PROZ: variants seen among roughly 807,000 people sequenced by gnomAD.
PROZ encodes the protein vitamin K-dependent protein Z.
Under a neutral mutation model 34.9 loss-of-function variants are expected in PROZ, and 46 were observed. That is an observed-to-expected ratio of 1.32 (90% CI 1.04 to 1.69). The LOEUF (loss-of-function observed/expected upper bound fraction) is 1.69, where lower values mean the gene tolerates loss of function less well. Ranked by LOEUF, PROZ falls within the 40% of genes most tolerant of loss-of-function variation. The pLI, the probability that PROZ is intolerant of heterozygous loss-of-function variation, is 0.00. For missense variants in PROZ, 530 were observed against 520.4 expected (o/e 1.02, Z -0.18); for synonymous variants, 195 against 208.5 (o/e 0.94, Z 0.56).
At position 113,172,151 on chromosome 13, in the gene PROZ, T is replaced by C. The variant is rs2037128938; in HGVS notation, c.*46T>C. On this transcript the variant is annotated 3_prime_UTR_variant, in exon 8 of 8. Transcript: ENST00000375547. Reference sequence around the variant, plus strand: ...ATGAACAACACAACCGGAAGCGGGATTCCAAGCTGGCACTGCCACTGTGGA... The same window carrying C: ...ATGAACAACACAACCGGAAGCGGGACTCCAAGCTGGCACTGCCACTGTGGA... 1 of 1,602,902 alleles carries C rather than the reference T, an allele frequency of 6.2e-7. No homozygotes were observed. Among genetic ancestry groups the C allele is most frequent in the African/African-American group, 1.3e-5 (1 of 74,862 alleles).
In PROZ at chr13:113,171,296, C is replaced by T. The variant is rs1196607403; in HGVS notation, c.692-298C>T. ...AGCCAATGTTTGACTGGCCTGGAGA[C>T]GTTCCACATCACTGCTTCCTGCTTT... On this transcript the variant is annotated intron_variant, in intron 7 of 7. Transcript: ENST00000375547. This position sits in a 1 kb window ranked among gnomAD's most constrained non-coding sequence, Gnocchi z 5.1. Among the ~76,000 whole-genome samples, 1 of 152,194 alleles carries T rather than the reference C, an allele frequency of 6.6e-6. No individual in the cohort carries two copies. The highest frequency in any genetic ancestry group is 1.5e-5 in the Non-Finnish European group (1 of 68,040).
At position 113,159,029 on chromosome 13, in the gene PROZ, G is replaced by T. The variant is rs3024714; in HGVS notation, c.70+299G>T. Among the ~76,000 whole-genome samples the T allele has an allele frequency of 3.8e-3, 548 of 143,874 alleles. 2 individuals are homozygous for T. Among genetic ancestry groups the T allele is most frequent in the African/African-American group, 0.014 (532 of 39,284 alleles). The allele number at this position is 143,874 out of a possible 152,430, so 94.4% of individuals were successfully genotyped here. A position where few individuals can be genotyped will look rare whatever the true frequency, so the allele number is the denominator to read the frequency against. Reference sequence around the variant, plus strand: ...AGGGGGAAAGGGGGAGGAGTGGGGGGAGGCCTGGGTTGGGCATTGGACGAG... The same window carrying T: ...AGGGGGAAAGGGGGAGGAGTGGGGGTAGGCCTGGGTTGGGCATTGGACGAG... On this transcript the variant is annotated intron_variant, in intron 1 of 7. Coordinates refer to ENST00000375547, the MANE Select transcript of PROZ (RefSeq NM_003891.3). This position sits in a 1 kb window ranked among gnomAD's most constrained non-coding sequence, Gnocchi z 4.6.
chr13:113,161,486 C>A (rs2036758557), intron 3 of PROZ, among the ~76,000 whole-genome samples: 1 of 152,070 alleles, frequency 6.6e-6, no homozygotes, highest in African/African-American at 2.4e-5. Context: ...TAAGGACCCA[C>A]CTGGGAATGA....
Position 113,159,989 on chromosome 13 carries a change from A to G in PROZ, c.71-25A>G. On this transcript the variant is annotated intron_variant, in intron 1 of 7. Coordinates refer to ENST00000375547, the MANE Select transcript of PROZ (RefSeq NM_003891.3). This position sits in a 1 kb window ranked among gnomAD's most constrained non-coding sequence, Gnocchi z 4.6. ...AGCAGGGCCCTCGGTGCTCCCAGTC[A>G]CCTGCCTTCTTGTCTCGTCTGTAGT... 6.2e-7 allele frequency: 1 copy of G among 1,613,220 alleles called. No homozygotes were observed. The highest frequency in any genetic ancestry group is 8.5e-7 in the Non-Finnish European group (1 of 1,179,918).
chr13:113,164,137 G>A (rs947967203), intron 4 of PROZ, among the ~76,000 whole-genome samples: 15 of 151,794 alleles, frequency 9.9e-5, no homozygotes, highest in Non-Finnish European at 1.5e-5. Context: ...GCGCCACCAC[G>A]CCTGGCTAAT....
Position 113,165,780 on chromosome 13 carries a change from C to T in PROZ, c.573+660C>T, listed in dbSNP as rs144930473. Among the ~76,000 whole-genome samples, 49 of 152,340 alleles carry T rather than the reference C, an allele frequency of 3.2e-4. No homozygotes were observed. In the East Asian group the frequency reaches 8.7e-3, roughly 27 times the overall value. On this transcript the variant is annotated intron_variant, in intron 6 of 7. Transcript: ENST00000375547. ...GCCTGACCTCAAGTGACCCACCTGC[C>T]TTGGCCTCCCAAAGTGCTGGGATTA...
At chr13:113,160,223 T>C (rs369396768) in intron 2 of PROZ, 46 bp downstream of exon 2, 12 of 1,597,968 alleles carry the variant, frequency 7.5e-6, no homozygotes, top group Non-Finnish European at 9.4e-6. Context: ...TTATTTAGAC[T>C]TCTGCTGGCC....
Position 113,159,144 on chromosome 13 carries a change from G to T in PROZ, c.70+414G>T. On this transcript the variant is annotated intron_variant, in intron 1 of 7. Transcript: ENST00000375547. This position sits in a 1 kb window ranked among gnomAD's most constrained non-coding sequence, Gnocchi z 4.6. ...GCCAGGAATGCCCAGTCTTGAGTCA[G>T]GAGACATAGCCAGGGAGCAGCCACC... The T allele has an allele frequency of 7.4e-7, 1 of 1,343,396 alleles. No homozygotes were observed. The highest frequency in any genetic ancestry group is 1.0e-6 in the Non-Finnish European group (1 of 958,818). 83.2% of individuals were successfully genotyped at this position (1,343,396 alleles called of 1,614,324 possible).
Position 113,163,009 on chromosome 13 carries a change from G to GCGGCTC in PROZ, c.262_267dup (p.Gly88_Ser89dup). On this transcript the variant is annotated inframe_insertion and splice_region_variant, in exon 4 of 8. Coordinates refer to ENST00000375547, the MANE Select transcript of PROZ (RefSeq NM_003891.3). ...CCCAACCCCCATCCTCCTCCTGCAG[G>GCGGCTC]CGGCTCCCCGTGCATCTCCCAGCCC... 6.5e-7 allele frequency: 1 copy of GCGGCTC among 1,548,072 alleles called. No homozygotes were observed. The highest frequency in any genetic ancestry group is 8.7e-7 in the Non-Finnish European group (1 of 1,144,350).
Position 113,162,994 on chromosome 13 carries a change from ATCC to A in PROZ, c.260-7_260-5del, listed in dbSNP as rs1400838284. On this transcript the variant is annotated splice_polypyrimidine_tract_variant and intron_variant, in intron 3 of 7. Coordinates refer to ENST00000375547, the MANE Select transcript of PROZ (RefSeq NM_003891.3). ...TCCTGTCACCACCACCCCAACCCCC[ATCC>A]TCCTCCTGCAGGCGGCTCCCCGTGC... The A allele has an allele frequency of 6.9e-6, 6 of 864,042 alleles. No individual in the cohort carries two copies. Among genetic ancestry groups the A allele is most frequent in the Non-Finnish European group, 9.0e-6 (6 of 669,586 alleles). 53.5% of individuals were successfully genotyped at this position (864,042 alleles called of 1,614,324 possible). A position where few individuals can be genotyped will look rare whatever the true frequency, so the allele number is the denominator to read the frequency against.
intron 3 of PROZ, among the ~76,000 whole-genome samples, chr13:113,161,805 CAT>C (rs2036768188): frequency 8.2e-6 from 1 of 121,486 alleles, no homozygotes; most frequent in Non-Finnish European, 1.8e-5. Context: ...CACCTCCTCA[CAT>C]CCTCCTCCTG....
rs766296368 is a variant in PROZ at position 113,171,963 on chromosome 13, G to GCC, written c.1061_1062insCC (p.Ser355GlnfsTer23). 1 of 1,613,566 alleles carries GCC rather than the reference G, an allele frequency of 6.2e-7. No homozygotes were observed. Among genetic ancestry groups the GCC allele is most frequent in the South Asian group, 1.1e-5 (1 of 91,074 alleles). ...GTGGCGGCCATGCACTGGATGGATG[G>GCC]AAGTGTGGTCACCAGAGAACACAGA... On this transcript the variant is annotated frameshift_variant, in exon 8 of 8. Transcript: ENST00000375547. LOFTEE classifies it low-confidence loss of function (END_TRUNC). This position sits in a 1 kb window ranked among gnomAD's most constrained non-coding sequence, Gnocchi z 5.1.
chr13:113,171,949 G>A lies in PROZ; in HGVS notation c.1047G>A (p.Met349Ile). 1 of 1,613,672 alleles carries A rather than the reference G, an allele frequency of 6.2e-7. No homozygotes were observed. Among genetic ancestry groups the A allele is most frequent in the Non-Finnish European group, 8.5e-7 (1 of 1,180,042 alleles). Residue 349 changes from methionine (M) to isoleucine (I), a missense_variant, in exon 8 of 8, where the codon ATG becomes ATA. By Grantham distance (10) the Met-to-Ile change is conservative. Transcript: ENST00000375547. The surrounding 1 kb of genome is among the most constrained non-coding windows in gnomAD (Gnocchi z 5.1). Reference sequence around the variant, plus strand: ...GTGAGAGAAGCAGCGTGGCGGCCATGCACTGGATGGATGGAAGTGTGGTCA... The same window carrying A: ...GTGAGAGAAGCAGCGTGGCGGCCATACACTGGATGGATGGAAGTGTGGTCA... ...TYCERSSVAA[M>I]HWMDGSVVTR...
rs767375098 is a variant in PROZ at position 113,160,992 on chromosome 13, T to C, written c.259+20T>C. ...ATAAGGGTAAGTGGTTTCCTTCGTC[T>C]CCTCAGAAGTATTAATTCCTCGGGA... is the stretch of plus-strand genomic sequence containing the variant. On this transcript the variant is annotated intron_variant, in intron 3 of 7. Transcript: ENST00000375547. The C allele has an allele frequency of 3.0e-5, 48 of 1,600,916 alleles. No homozygotes were observed. The highest frequency in any genetic ancestry group is 3.9e-5 in the Non-Finnish European group (46 of 1,168,888).
intron 2 of PROZ, 88 bp downstream of exon 2, chr13:113,160,265 A>C: frequency 6.8e-7 from 1 of 1,477,698 alleles, no homozygotes; most frequent in Non-Finnish European, 9.4e-7. Flanking sequence ...GATTAAGCTT[A>C]ATTAATTAGC....
chr13:113,165,033 T>C lies in PROZ; in HGVS notation c.506-20T>C. On this transcript the variant is annotated intron_variant, in intron 5 of 7. Coordinates refer to ENST00000375547, the MANE Select transcript of PROZ (RefSeq NM_003891.3). The stretch of plus-strand genomic sequence containing the variant: ...GAGAAGGCGCTGATTTTTATTCTCA[T>C]GTTGCTGCCGCAAATGCAGACCAGT... 6.2e-7 allele frequency: 1 copy of C among 1,612,996 alleles called. No homozygotes were observed. Among genetic ancestry groups the C allele is most frequent in the Non-Finnish European group, 8.5e-7 (1 of 1,179,606 alleles).
rs2036718673 is a variant in PROZ, at chr13:113,159,229, A to G, written c.70+499A>G. ...TCACTGAAGGAACGACATGGACTCCATTCTGACTCTGCCTGCACAGGCGTC... is the reference window on the plus strand; with the variant it reads ...TCACTGAAGGAACGACATGGACTCCGTTCTGACTCTGCCTGCACAGGCGTC... On this transcript the variant is annotated intron_variant, in intron 1 of 7. Transcript: ENST00000375547. The surrounding 1 kb of genome is among the most constrained non-coding windows in gnomAD (Gnocchi z 4.6). 6.5e-7 allele frequency: 1 copy of G among 1,548,836 alleles called. No homozygotes were observed. The highest frequency in any genetic ancestry group is 8.7e-7 in the Non-Finnish European group (1 of 1,145,118).
Position 113,171,836 on chromosome 13 carries a change from A to G in PROZ, c.934A>G (p.Asn312Asp). ...GWARNGTDLG[N>D]SLTTRPVTLV... The stretch of plus-strand genomic sequence containing the variant: ...GGCACGCAATGGCACTGACCTGGGC[A>G]ACTCGCTGACCACGCGGCCTGTCAC... Residue 312 changes from asparagine (N) to aspartate (D), a missense_variant, in exon 8 of 8, where the codon AAC (asparagine) becomes GAC (aspartate). Physicochemically the swap from Asn to Asp is conservative, Grantham distance 23. Coordinates refer to ENST00000375547, the MANE Select transcript of PROZ (RefSeq NM_003891.3). The surrounding 1 kb of genome is among the most constrained non-coding windows in gnomAD (Gnocchi z 5.1). 6.2e-7 allele frequency: 1 copy of G among 1,613,638 alleles called. No individual in the cohort carries two copies. Among genetic ancestry groups the G allele is most frequent in the South Asian group, 1.1e-5 (1 of 91,084 alleles).
chr13:113,170,557 A>G (rs1043504241), intron 7 of PROZ, 27 bp downstream of exon 7: 20 of 1,352,684 alleles, frequency 1.5e-5, no homozygotes, highest in South Asian at 2.3e-5. Flanking sequence ...GAGTTTTTAT[A>G]AAACCACATT....
Sources: gnomAD v4.1 joint callset for allele counts (sites outside exome capture counted in the v4.1 genomes callset) on GRCh38, gnomAD v4.1.1 for gene constraint, Gnocchi (gnomAD v3.1) non-coding constraint, MANE v1.5 for transcripts, NCBI Gene and HGNC (gene_info 2026-07-23, HGNC 2026-07-21) for gene names.